SOHLH1: variants seen among roughly 807,000 people sequenced by gnomAD.
SOHLH1 encodes spermatogenesis and oogenesis specific basic helix-loop-helix 1.
Under a neutral mutation model 36.2 loss-of-function variants are expected in SOHLH1, and 23 were observed. That is an observed-to-expected ratio of 0.64 (90% CI 0.46 to 0.90). The LOEUF is 0.90. Ranked by LOEUF, SOHLH1 falls within the 40% of genes least tolerant of loss-of-function variation. The pLI is 0.00. For synonymous variants in SOHLH1, 289 were observed against 228.3 expected, an observed-to-expected ratio of 1.27 and a Z score of -2.40; for missense variants, 608 against 517.0, an observed-to-expected ratio of 1.18 and a Z score of -1.71.
chr9:135,699,599 C>CACCCCCACTTG, upstream of SOHLH1: 1 of 977,162 alleles, frequency 1.0e-6, no homozygotes, highest in East Asian at 2.6e-5. Context: ...CAATCCGCCC[C>CACCCCCACTTG]CATAGCGCAT....
At chr9:135,698,887 G>T in intron 2 of SOHLH1, 108 bp downstream of exon 2, 2 of 1,519,626 alleles carry the variant, frequency 1.3e-6, no homozygotes, top group Non-Finnish European at 1.8e-6. Context: ...CTGGGCACAG[G>T]CCACGAGCCC....
At chr9:135,701,880 C>T (rs569005588), upstream of SOHLH1, among the ~76,000 whole-genome samples, 2 of 152,312 alleles carry the variant, frequency 1.3e-5, no homozygotes, top group African/African-American at 4.8e-5. Flanking sequence ...CGCCAAGGAC[C>T]CAGAGCCCCC....
At position 135,695,107 on chromosome 9, in the gene SOHLH1, C is replaced by A; in HGVS notation, c.818G>T (p.Gly273Val). 1 of 1,599,082 alleles carries A rather than the reference C, an allele frequency of 6.3e-7. No homozygotes were observed. The highest frequency in any genetic ancestry group is 8.5e-7 in the Non-Finnish European group (1 of 1,175,134). The stretch of plus-strand genomic sequence containing the variant: ...GGCTGGCTCCCCCAGAGGTGCAGCC[C>A]CCATGGCCAGGGGCCCAGCCTGGCC... ...WLGQAGPLAM[G>V]AAPLGEPAKE... The change falls in exon 6 of 8, where the codon GGG becomes GTG. Residue 273 changes from glycine to valine, a missense_variant. Transcript: ENST00000425225.
Position 135,693,772 on chromosome 9 carries a change from G to A in SOHLH1, c.989C>T (p.Pro330Leu), listed in dbSNP as rs867554130. 6.3e-7 allele frequency: 1 copy of A among 1,582,012 alleles called. No individual in the cohort carries two copies. The highest frequency in any genetic ancestry group is 1.8e-5 in the Admixed American group (1 of 56,130). Residue 330 changes from proline (P) to leucine (L), a missense_variant, in exon 8 of 8, where the codon CCA becomes CTA. By Grantham distance (98) the Pro-to-Leu change is moderately conservative (BLOSUM62 -3). Coordinates refer to ENST00000425225, the MANE Select transcript of SOHLH1 (RefSeq NM_001101677.2). ...GRGGSGPAWA[P>L]AESSPLDVGE... is the part of the protein sequence containing the mutation. ...AACATCCAGTGGACTGCTCTCAGCT[G>A]GGGCCCATGCAGGGCCACTGCCTCC...
Position 135,693,780 on chromosome 9 carries a change from T to C in SOHLH1, c.981A>G (p.Ala327=). ...SLEGRGGSGP[A]WAPAESSPLD... is the part of the protein sequence containing the mutation. ...GTGGACTGCTCTCAGCTGGGGCCCA[T>C]GCAGGGCCACTGCCTCCTCGACCCT... The change falls in exon 8 of 8, where the codon GCA becomes GCG. Residue 327 remains alanine, a synonymous_variant. Transcript: ENST00000425225. 3 of 1,581,228 alleles carry C rather than the reference T, an allele frequency of 1.9e-6. No homozygotes were observed. Among genetic ancestry groups the C allele is most frequent in the Non-Finnish European group, 2.6e-6 (3 of 1,164,174 alleles).
At chr9:135,699,198 A>G (rs2131298408) in intron 1 of SOHLH1, 72 bp from the exon 2 acceptor site, 1 of 1,546,714 alleles carries the variant, frequency 6.5e-7, no homozygotes, top group East Asian at 2.4e-5. Context: ...AGATGCCAGA[A>G]TGGGCGTCTT....
chr9:135,698,990 C>A lies in SOHLH1; in HGVS notation c.197+5G>T, dbSNP rs777943498. On this transcript the variant is annotated splice_donor_5th_base_variant and intron_variant, in intron 2 of 7. Coordinates refer to ENST00000425225, the MANE Select transcript of SOHLH1 (RefSeq NM_001101677.2). ...CCCTCACCCCTGGGAGGCACCACCA[C>A]TCACCTGCGCTCCCTCTCGCTGATC... The A allele has an allele frequency of 1.2e-6, 2 of 1,611,450 alleles. No homozygotes were observed. The highest frequency in any genetic ancestry group is 2.2e-5 in the South Asian group (2 of 91,030).
chr9:135,696,874 C>T (rs1834825213), intron 4 of SOHLH1, 69 bp from the exon 5 acceptor site: 1 of 1,532,170 alleles, frequency 6.5e-7, no homozygotes, highest in South Asian at 1.2e-5. Flanking sequence ...CCCCCACCCA[C>T]CCCAAGAGCA....
chr9:135,698,868 GTCCTTC>G, intron 2 of SOHLH1, 121 bp downstream of exon 2: 1 of 1,350,034 alleles, frequency 7.4e-7, no homozygotes, highest in South Asian at 1.2e-5. Flanking sequence ...TGTGCAGTCT[GTCCTTC>G]TCCTGGGCAC....
At chr9:135,700,543 C>G (rs1203468880), upstream of SOHLH1, among the ~76,000 whole-genome samples, 1 of 152,026 alleles carries the variant, frequency 6.6e-6, no homozygotes, top group Non-Finnish European at 1.5e-5. Flanking sequence ...GCTCTCCTCC[C>G]GAGAGGGGAG....
Position 135,693,639 on chromosome 9 carries a change from C to A in SOHLH1, c.1122G>T (p.Lys374Asn). The part of the protein sequence containing the change: ...LDVDCAGLAL[K>N]DEVESIFPDF... ...CAGGGAAGATGCTCTCCACCTCGTC[C>A]TTCAGGGCCAGGCCTGCACAGTCCA... is the stretch of plus-strand genomic sequence containing the variant. The change falls in exon 8 of 8, where the codon AAG becomes AAT. Residue 374 changes from lysine (K) to asparagine (N), a missense_variant. Lys to Asn is a moderately conservative substitution (Grantham distance 94, BLOSUM62 0). Coordinates refer to ENST00000425225, the MANE Select transcript of SOHLH1 (RefSeq NM_001101677.2). The A allele has an allele frequency of 6.3e-7, 1 of 1,587,488 alleles. No homozygotes were observed. The highest frequency in any genetic ancestry group is 8.6e-7 in the Non-Finnish European group (1 of 1,167,270).
intron 6 of SOHLH1, among the ~76,000 whole-genome samples, chr9:135,694,824 G>C (rs748325952): frequency 6.7e-6 from 1 of 149,982 alleles, no homozygotes; most frequent in Admixed American, 6.7e-5. Flanking sequence ...CAATTAGGAA[G>C]ACAAAAGTGT....
upstream of SOHLH1, among the ~76,000 whole-genome samples, chr9:135,701,265 T>C (rs1384012947): frequency 6.8e-6 from 1 of 147,976 alleles, no homozygotes; most frequent in Admixed American, 6.7e-5. Context: ...GCCTGCTGCC[T>C]CCTGGAGAAA....
rs752088644 is a variant in SOHLH1 at position 135,693,548 on chromosome 9, C to T, written c.*49G>A. 1.7e-5 allele frequency: 26 copies of T among 1,516,054 alleles called. No individual in the cohort carries two copies. Among genetic ancestry groups the T allele is most frequent in the Non-Finnish European group, 2.0e-5 (23 of 1,123,946 alleles). The allele number at this position is 1,516,054 out of a possible 1,614,324, so 93.9% of individuals were successfully genotyped here. On this transcript the variant is annotated 3_prime_UTR_variant, in exon 8 of 8. Coordinates refer to ENST00000425225, the MANE Select transcript of SOHLH1 (RefSeq NM_001101677.2). The stretch of plus-strand genomic sequence containing the variant: ...CCCAAGCACGCGACAGGGACACACA[C>T]GGCTCCAGATCCACCGGCCCCGCCC...
At chr9:135,698,506 G>A (rs751760066) in intron 2 of SOHLH1, 30 bp from the exon 3 acceptor site, 19 of 1,612,652 alleles carry the variant, frequency 1.2e-5, no homozygotes, top group Non-Finnish European at 1.4e-5. Context: ...AAATACCTCT[G>A]GGCCCTCCTG....
chr9:135,694,413 A>C lies in SOHLH1; in HGVS notation c.920T>G (p.Leu307Arg). 1 of 1,613,244 alleles carries C rather than the reference A, an allele frequency of 6.2e-7. No individual in the cohort carries two copies. The highest frequency in any genetic ancestry group is 8.5e-7 in the Non-Finnish European group (1 of 1,179,996). Residue 307 changes from leucine (L) to arginine (R), a missense_variant, in exon 7 of 8, where the codon CTG (leucine) becomes CGG (arginine). Leu to Arg is a moderately radical substitution (Grantham distance 102, BLOSUM62 -2). Transcript: ENST00000425225. Reference sequence around the variant, plus strand: ...CGGCCACGAGCTGGGACCAGCAGTCAGCAGGAAGGACGTCCCATCGTCCAC... The same window carrying C: ...CGGCCACGAGCTGGGACCAGCAGTCCGCAGGAAGGACGTCCCATCGTCCAC... ...SDVDDGTSFLLTAGPSSWPGS... is the reference protein window; with the variant it reads ...SDVDDGTSFLRTAGPSSWPGS...
chr9:135,695,403 C>T (rs1306189477), intron 5 of SOHLH1, 140 bp from the exon 6 acceptor site: 12 of 738,274 alleles, frequency 1.6e-5, no homozygotes, highest in Non-Finnish European at 2.5e-5. Context: ...AGCAGGGACA[C>T]GTGGGAGGAA....
At chr9:135,698,936 A>C in intron 2 of SOHLH1, 59 bp downstream of exon 2, 1 of 1,609,488 alleles carries the variant, frequency 6.2e-7, no homozygotes, top group African/African-American at 1.3e-5. Flanking sequence ...CCCCGAACAT[A>C]ATCTCACCCG....
Position 135,699,438 on chromosome 9 carries a change from C to T in SOHLH1, c.30G>A (p.Pro10=), listed in dbSNP as rs1468569553. The part of the protein sequence containing the change: MASRCSEPY[P]EVSRIPTVRG... ...TGACGGTAGGGATTCTGGAGACCTC[C>T]GGGTAGGGCTCGGAGCACCGGGACG... Residue 10 remains proline (P), a synonymous_variant, in exon 1 of 8, where the codon CCG becomes CCA. Coordinates refer to ENST00000425225, the MANE Select transcript of SOHLH1 (RefSeq NM_001101677.2). 13 of 1,612,244 alleles carry T rather than the reference C, an allele frequency of 8.1e-6. No individual in the cohort carries two copies. The highest frequency in any genetic ancestry group is 3.3e-5 in the Admixed American group (2 of 59,946).
Sources: gnomAD v4.1 joint callset for allele counts (sites outside exome capture counted in the v4.1 genomes callset) on GRCh38, gnomAD v4.1.1 for gene constraint, MANE v1.5 for transcripts, NCBI Gene and HGNC (gene_info 2026-07-23, HGNC 2026-07-21) for gene names.